The following FGGY variants were observed in gnomAD, a reference collection of about 807,000 sequenced individuals.
FGGY encodes the protein FGGY carbohydrate kinase domain-containing protein.
FGGY carries 72 observed loss-of-function variants against 71.3 expected under a neutral mutation model. The ratio of observed to expected loss-of-function variants is 1.01; its 90% confidence interval spans 0.84 to 1.23. The LOEUF is 1.23. Among genes scored for constraint, FGGY ranks in the 50% most tolerant of loss-of-function variants. FGGY has a pLI of 0.00. For missense variants in FGGY, 668 were observed against 682.3 expected, an observed-to-expected ratio of 0.98 and a Z score of 0.23; for synonymous variants, 251 against 250.3, an observed-to-expected ratio of 1.00 and a Z score of -0.02.
At chr1:59,611,786 C>A (rs2096683335) in intron 9 of FGGY, among the ~76,000 whole-genome samples, 1 of 152,110 alleles carries the variant, frequency 6.6e-6, no homozygotes, top group South Asian at 2.1e-4. Context: ...AGAATAACCA[C>A]TGCAGATAAG....
Position 59,374,801 on chromosome 1 carries a change from C to A in FGGY, c.466-3948C>A, listed in dbSNP as rs569692136. ...GAAATCATCATTCTCAGTAAACTAT[C>A]GCAAGAACAAAAAACCAAACACCGC... On this transcript the variant is annotated intron_variant, in intron 4 of 15. Transcript: ENST00000303721. Among the ~76,000 whole-genome samples, 172 of 151,018 alleles carry A rather than the reference C, an allele frequency of 1.1e-3. 1 individual carries two copies. The highest frequency in any genetic ancestry group is 3.4e-3 in the Middle Eastern group (1 of 292).
chr1:59,396,016 A>G (rs1199578595), intron 5 of FGGY, among the ~76,000 whole-genome samples: 1 of 152,228 alleles, frequency 6.6e-6, no homozygotes, highest in Non-Finnish European at 1.5e-5. Flanking sequence ...TATGGCCTTC[A>G]GACCAGCAGC....
intron 6 of FGGY, among the ~76,000 whole-genome samples, chr1:59,499,299 G>GTTTGTTTTT (rs774954925): frequency 6.6e-5 from 7 of 105,804 alleles, no homozygotes; most frequent in African/African-American, 2.8e-4. Flanking sequence ...TACTATGTTT[G>GTTTGTTTTT]TTTTTTTTTT....
At position 59,584,606 on chromosome 1, in the gene FGGY, G is replaced by T. The variant is rs922047242; in HGVS notation, c.904-23197G>T. On this transcript the variant is annotated intron_variant, in intron 8 of 15. Coordinates refer to ENST00000303721, the MANE Select transcript of FGGY (RefSeq NM_018291.5). ...CTGGAAGCATTCCCTTTGAAAACTG[G>T]CACAAGACAAGGATGCCCTCTCTCA... Among the ~76,000 whole-genome samples the T allele has an allele frequency of 6.0e-5, 9 of 149,850 alleles. 1 individual carries two copies. Among genetic ancestry groups the T allele is most frequent in the Admixed American group, 1.3e-4 (2 of 15,160 alleles).
intron 7 of FGGY, among the ~76,000 whole-genome samples, chr1:59,539,018 T>C (rs1379830880): frequency 6.6e-6 from 1 of 151,990 alleles, no homozygotes; most frequent in Non-Finnish European, 1.5e-5. Context: ...AATAAAAATG[T>C]TTAAATAGCA....
chr1:59,588,467 A>G (rs747751047), intron 8 of FGGY, among the ~76,000 whole-genome samples: 2 of 152,152 alleles, frequency 1.3e-5, no homozygotes, highest in Non-Finnish European at 2.9e-5. Context: ...CTCCTCGAGA[A>G]GAGCAACTCC....
intron 14 of FGGY, among the ~76,000 whole-genome samples, chr1:59,737,511 G>A (rs1463682857): frequency 1.3e-5 from 2 of 152,250 alleles, no homozygotes; most frequent in Non-Finnish European, 2.9e-5. Flanking sequence ...TGACCTGGAT[G>A]TGAGACATGG....
intron 5 of FGGY, among the ~76,000 whole-genome samples, chr1:59,394,039 T>C (rs991413825): frequency 1.3e-5 from 2 of 152,214 alleles, no homozygotes; most frequent in Non-Finnish European, 2.9e-5. Flanking sequence ...GTCTGCGTAG[T>C]GTCTCTTACA....
chr1:59,365,657 G>C (rs532839454), intron 4 of FGGY, among the ~76,000 whole-genome samples: 1 of 152,300 alleles, frequency 6.6e-6, no homozygotes, highest in African/African-American at 2.4e-5. Flanking sequence ...GGGACCTGGG[G>C]ATAGTCTTGG....
At chr1:59,525,357 G>A (rs960998734) in intron 7 of FGGY, among the ~76,000 whole-genome samples, 6 of 152,146 alleles carry the variant, frequency 3.9e-5, no homozygotes, top group African/African-American at 1.4e-4. Flanking sequence ...CAGCAGGCAC[G>A]AGCAATACTC....
intron 4 of FGGY, among the ~76,000 whole-genome samples, chr1:59,348,099 C>G (rs533743051): frequency 6.6e-6 from 1 of 152,116 alleles, no homozygotes; most frequent in African/African-American, 2.4e-5. Flanking sequence ...TGAACTCAAA[C>G]AAATTTACAA....
In FGGY at chr1:59,671,101, G is replaced by A. The variant is rs1273620570; in HGVS notation, c.1418-2938G>A. 2.6e-5 allele frequency among the ~76,000 whole-genome samples: 4 copies of A among 152,156 alleles called. No homozygotes were observed. The East Asian group carries it at 5.8e-4, about 22-fold the overall frequency. ...TGCCAAGCCCTGAGGTTGGCACAGG[G>A]ATGCTAAGAAGAACAGTAATGTCCA... On this transcript the variant is annotated intron_variant, in intron 13 of 15. Coordinates refer to ENST00000303721, the MANE Select transcript of FGGY (RefSeq NM_018291.5).
At chr1:59,500,662 C>T in intron 6 of FGGY, among the ~76,000 whole-genome samples, 2 of 40,636 alleles carry the variant, frequency 4.9e-5, no homozygotes, top group South Asian at 5.8e-4. Flanking sequence ...TGCCTTCTTG[C>T]CAAAAAAAAA....
At chr1:59,299,920 G>C (rs908648359) in intron 1 of FGGY, among the ~76,000 whole-genome samples, 7 of 152,146 alleles carry the variant, frequency 4.6e-5, no homozygotes, top group Non-Finnish European at 7.3e-5. Context: ...AGTGAGTCTG[G>C]GTGGAGCAGG....
At chr1:59,641,164 C>T in intron 11 of FGGY, 1 of 683,122 alleles carries the variant, frequency 1.5e-6, no homozygotes, top group South Asian at 1.7e-5. Flanking sequence ...GGGAAGAGAG[C>T]ATGGCATGTG....
intron 7 of FGGY, among the ~76,000 whole-genome samples, chr1:59,545,670 G>GAA (rs397804122): frequency 3.3e-5 from 5 of 152,086 alleles, no homozygotes; most frequent in African/African-American, 1.2e-4. Context: ...AGGAGAAACA[G>GAA]GAGTGAGACC....
At chr1:59,508,498 C>A (rs2094446598) in intron 6 of FGGY, among the ~76,000 whole-genome samples, 1 of 152,146 alleles carries the variant, frequency 6.6e-6, no homozygotes, top group Non-Finnish European at 1.5e-5. Flanking sequence ...AAAAGCCAAA[C>A]AAGGATTATA....
At chr1:59,329,368 G>A (rs1301671684) in intron 2 of FGGY, among the ~76,000 whole-genome samples, 1 of 152,218 alleles carries the variant, frequency 6.6e-6, no homozygotes, top group Non-Finnish European at 1.5e-5. Flanking sequence ...CTAATGAAGT[G>A]AGCACATGCT....
intron 7 of FGGY, among the ~76,000 whole-genome samples, chr1:59,534,551 G>T (rs1223746077): frequency 6.6e-6 from 1 of 152,092 alleles, no homozygotes; most frequent in Non-Finnish European, 1.5e-5. Flanking sequence ...AAGTTGAAAT[G>T]AAGGAAAAAA....
Sources: allele counts gnomAD v4.1 joint callset (sites outside exome capture counted in the v4.1 genomes callset), GRCh38; gene constraint gnomAD v4.1.1; transcripts MANE v1.5; gene names NCBI Gene and HGNC (gene_info 2026-07-23, HGNC 2026-07-21).